The following ARHGAP22 variants were observed in gnomAD, a reference collection of about 807,000 sequenced individuals.
ARHGAP22 encodes the protein Rho GTPase activating protein 22.
ARHGAP22 carries 48 observed loss-of-function variants against 59.1 expected under a neutral mutation model. The observed-to-expected ratio is 0.81, with a 90% CI of 0.64 to 1.03. ARHGAP22 has a LOEUF of 1.03. Ranked by LOEUF, ARHGAP22 falls within the 50% of genes least tolerant of loss-of-function variation. The probability of loss-of-function intolerance (pLI) is 0.00; values close to 1 mark genes in which losing one functional copy is unlikely to be tolerated. For synonymous variants in ARHGAP22, 445 were observed against 416.4 expected (o/e 1.07, Z -0.84); for missense variants, 1,015 against 958.7 (o/e 1.06, Z -0.78).
rs564074788 is a variant in ARHGAP22, at chr10:48,652,292, G to T, written c.-7C>A. 2.2e-4 allele frequency: 335 copies of T among 1,535,660 alleles called. 2 individuals carry two copies. In the African/African-American group the frequency reaches 3.6e-3, roughly 17 times the overall value. ...TGGAAGCTGTCGGCAGCATAATGAAGCTGGCAGTCTGTGCAAATTTCTTCT... is the reference window on the plus strand; with the variant it reads ...TGGAAGCTGTCGGCAGCATAATGAATCTGGCAGTCTGTGCAAATTTCTTCT... On this transcript the variant is annotated 5_prime_UTR_variant, in exon 1 of 10. Transcript: ENST00000435790.
chr10:48,581,051 A>T (rs2059087663), intron 2 of ARHGAP22, among the ~76,000 whole-genome samples: 1 of 152,082 alleles, frequency 6.6e-6, no homozygotes, highest in African/African-American at 2.4e-5. Flanking sequence ...GGCCAAGTGG[A>T]CATTGGCTGA....
intron 2 of ARHGAP22, among the ~76,000 whole-genome samples, chr10:48,581,589 G>T (rs916997191): frequency 6.6e-6 from 1 of 152,140 alleles, no homozygotes; most frequent in Non-Finnish European, 1.5e-5. Context: ...CATTTCATCT[G>T]TGCTATTATT....
At chr10:48,562,922 C>T (rs1215694393) in intron 2 of ARHGAP22, among the ~76,000 whole-genome samples, 1 of 152,162 alleles carries the variant, frequency 6.6e-6, no homozygotes, top group Non-Finnish European at 1.5e-5. Flanking sequence ...AATTTATTTT[C>T]TTACAGTTCT....
chr10:48,446,452 T>C lies in ARHGAP22; in HGVS notation c.2036A>G (p.Glu679Gly). The change falls in exon 10 of 10, where the codon GAG becomes GGG. Residue 679 changes from glutamate (E) to glycine (G), a missense_variant. By Grantham distance (98) the Glu-to-Gly change is moderately conservative. Transcript: ENST00000249601. Reference sequence around the variant, plus strand: ...CAAGCTTCCTAGGGTCGAAAAAAACTCCTCCATTTCCCTCTGCAACAGCTG... The same window carrying C: ...CAAGCTTCCTAGGGTCGAAAAAAACCCCTCCATTTCCCTCTGCAACAGCTG... ...RNQLLQREME[E>G]FFSTLGSLTV... 2 of 1,614,124 alleles carry C rather than the reference T, an allele frequency of 1.2e-6. No individual in the cohort carries two copies. The highest frequency in any genetic ancestry group is 1.1e-5 in the South Asian group (1 of 91,066).
chr10:48,549,060 G>T (rs528216409), intron 3 of ARHGAP22, among the ~76,000 whole-genome samples: 2 of 152,360 alleles, frequency 1.3e-5, no homozygotes, highest in South Asian at 2.1e-4. Context: ...GAGGATAAAC[G>T]TGGTGTGCTC....
intron 4 of ARHGAP22, among the ~76,000 whole-genome samples, chr10:48,473,234 G>T (rs2048387254): frequency 6.6e-6 from 1 of 152,204 alleles, no homozygotes. Context: ...AAATAAGCCA[G>T]TCACAAAAAG....
chr10:48,567,829 G>A lies in ARHGAP22; in HGVS notation c.235-12279C>T, dbSNP rs190043977. 3.1e-4 allele frequency among the ~76,000 whole-genome samples: 47 copies of A among 152,088 alleles called. No individual in the cohort carries two copies. The East Asian group carries it at 8.1e-3, about 26-fold the overall frequency. Reference sequence around the variant, plus strand: ...CACCACAGACATTACTACAGTGAGAGGTAAACTTCTATTATGTTTAGCTGC... The same window carrying A: ...CACCACAGACATTACTACAGTGAGAAGTAAACTTCTATTATGTTTAGCTGC... On this transcript the variant is annotated intron_variant, in intron 2 of 9. Transcript: ENST00000249601.
rs991915005 is a variant in ARHGAP22 at position 48,452,440 on chromosome 10, G to A, written c.988+864C>T. Among the ~76,000 whole-genome samples the A allele has an allele frequency of 4.6e-5, 7 of 152,202 alleles. No individual in the cohort carries two copies. In the South Asian group the frequency reaches 1.4e-3, roughly 31 times the overall value. On this transcript the variant is annotated intron_variant, in intron 8 of 9. Transcript: ENST00000249601. ...CTCAAGCATCTGTACCACCAGGCAG[G>A]TAGGAGCTTGTGTTTTCCTGGCCTC...
At chr10:48,464,415 G>A (rs1425664611) in intron 4 of ARHGAP22, among the ~76,000 whole-genome samples, 1 of 152,230 alleles carries the variant, frequency 6.6e-6, no homozygotes, top group Non-Finnish European at 1.5e-5. Flanking sequence ...AGCCAGGAAA[G>A]GGACATCCAC....
intron 3 of ARHGAP22, among the ~76,000 whole-genome samples, chr10:48,524,479 G>A (rs1386590053): frequency 2.6e-5 from 4 of 151,936 alleles, no homozygotes; most frequent in Non-Finnish European, 5.9e-5. Context: ...GGGGCGCCAC[G>A]GAGCCGGGGC....
chr10:48,593,930 G>A (rs1449933860), intron 1 of ARHGAP22, among the ~76,000 whole-genome samples: 1 of 152,184 alleles, frequency 6.6e-6, no homozygotes, highest in Non-Finnish European at 1.5e-5. Flanking sequence ...GTTCCTAAAG[G>A]GAAGCCCGGA....
chr10:48,623,750 G>A (rs1177792314), intron 1 of ARHGAP22, among the ~76,000 whole-genome samples: 4 of 152,184 alleles, frequency 2.6e-5, no homozygotes, highest in Non-Finnish European at 5.9e-5. Flanking sequence ...TCTGGGGTTG[G>A]CATGGAAGCT....
chr10:48,560,343 T>C (rs1459953201), intron 2 of ARHGAP22, among the ~76,000 whole-genome samples: 9 of 152,148 alleles, frequency 5.9e-5, no homozygotes, highest in Admixed American at 1.3e-4. Context: ...TAACTCCTCA[T>C]TTATTTAGAG....
At position 48,450,343 on chromosome 10, in the gene ARHGAP22, A is replaced by G. The variant is rs749505441; in HGVS notation, c.1786T>C (p.Ser596Pro). Reference sequence around the variant, plus strand: ...GTGACCAGCCCCTGTAAGGCCTCGGAGCGGCGCGCGTGTTCCCGGGTGGGG... The same window carrying G: ...GTGACCAGCCCCTGTAAGGCCTCGGGGCGGCGCGCGTGTTCCCGGGTGGGG... ...DSPTREHARR[S>P]EALQGLVTEL... The change falls in exon 9 of 10, where the codon TCC becomes CCC. Residue 596 changes from serine (S) to proline (P), a missense_variant. Transcript: ENST00000249601. 19 of 1,595,730 alleles carry G rather than the reference A, an allele frequency of 1.2e-5. No individual in the cohort carries two copies. In the Middle Eastern group the frequency reaches 1.0e-3, roughly 84 times the overall value.
chr10:48,498,866 A>G (rs1185460177), intron 3 of ARHGAP22, among the ~76,000 whole-genome samples: 2 of 152,196 alleles, frequency 1.3e-5, no homozygotes, highest in Non-Finnish European at 2.9e-5. Context: ...AGATCTGGAA[A>G]GAAATGAAAA....
chr10:48,634,378 A>AAGCT (rs1369997362), intron 1 of ARHGAP22, among the ~76,000 whole-genome samples: 1 of 152,194 alleles, frequency 6.6e-6, no homozygotes, highest in East Asian at 1.9e-4. Context: ...AGGAGAGGAT[A>AAGCT]AGCTGCTGGG....
At chr10:48,446,899 T>C (rs2045408801) in intron 9 of ARHGAP22, among the ~76,000 whole-genome samples, 1 of 152,140 alleles carries the variant, frequency 6.6e-6, no homozygotes, top group Admixed American at 6.5e-5. Context: ...CATTTGCCCC[T>C]CCAGTGCAGT....
At chr10:48,469,786 G>C (rs1564713269) in intron 4 of ARHGAP22, among the ~76,000 whole-genome samples, 1 of 152,170 alleles carries the variant, frequency 6.6e-6, no homozygotes, top group Non-Finnish European at 1.5e-5. Context: ...GGGTGTGTGG[G>C]CTGAAGTCCT....
intron 3 of ARHGAP22, among the ~76,000 whole-genome samples, chr10:48,492,284 TA>T (rs1165433932): frequency 6.6e-6 from 1 of 152,156 alleles, no homozygotes; most frequent in Non-Finnish European, 1.5e-5. Flanking sequence ...TTTAAAAAAA[TA>T]TTTTTTAAAA....
Sources: allele counts gnomAD v4.1 joint callset (sites outside exome capture counted in the v4.1 genomes callset), GRCh38; gene constraint gnomAD v4.1.1; transcripts MANE v1.5; gene names NCBI Gene and HGNC (gene_info 2026-07-23, HGNC 2026-07-21).